Variants in TNNI3K observed in about 807,000 individuals in gnomAD.
TNNI3K encodes the protein TNNI3 interacting kinase.
In TNNI3K, 140 loss-of-function variants were observed where a neutral mutation model predicts 114.5. The observed-to-expected ratio is 1.22, with a 90% confidence interval of 1.07 to 1.41. The LOEUF (loss-of-function observed/expected upper bound fraction) is 1.41. TNNI3K is among the 40% of genes most tolerant of loss of function. The pLI is 0.00. For missense variants in TNNI3K, 1,125 were observed against 1,007.6 expected (o/e 1.12, Z -1.58); for synonymous variants, 347 against 347.5 (o/e 1.00, Z 0.02).
intron 2 of TNNI3K, among the ~76,000 whole-genome samples, chr1:74,242,900 T>A (rs1654332863): frequency 6.6e-6 from 1 of 152,108 alleles, no homozygotes. Flanking sequence ...CTTCTCCATC[T>A]GTAGCTCGCT....
At chr1:74,249,594 G>T in intron 3 of TNNI3K, 50 bp downstream of exon 3, 1 of 1,565,520 alleles carries the variant, frequency 6.4e-7, no homozygotes, top group Non-Finnish European at 8.7e-7. Context: ...TGTGTATATC[G>T]TCAGTGACTT....
intron 23 of TNNI3K, among the ~76,000 whole-genome samples, chr1:74,525,513 G>A (rs1397852728): frequency 6.6e-6 from 1 of 152,102 alleles, no homozygotes; most frequent in African/African-American, 2.4e-5. Context: ...GAGAGATGAG[G>A]CTGAAGAAAT....
intron 11 of TNNI3K, among the ~76,000 whole-genome samples, chr1:74,359,410 T>C: frequency 6.6e-6 from 1 of 152,072 alleles, no homozygotes; most frequent in Middle Eastern, 3.4e-3. Flanking sequence ...GTTAGAAATT[T>C]TAATATATTA....
chr1:74,528,661 TG>T (rs1185376244), intron 23 of TNNI3K, among the ~76,000 whole-genome samples: 3 of 152,210 alleles, frequency 2.0e-5, no homozygotes, highest in African/African-American at 7.2e-5. Context: ...GGTTTGGAAC[TG>T]GAGATGTTGC....
intron 13 of TNNI3K, among the ~76,000 whole-genome samples, chr1:74,368,764 G>C (rs1662419119): frequency 6.6e-6 from 1 of 151,836 alleles, no homozygotes; most frequent in African/African-American, 2.4e-5. Context: ...CTGGTAACCA[G>C]ATCAGGAATA....
chr1:74,377,518 A>G (rs2100540236), intron 17 of TNNI3K, among the ~76,000 whole-genome samples: 1 of 152,174 alleles, frequency 6.6e-6, no homozygotes, highest in East Asian at 1.9e-4. Context: ...AGACAATTAT[A>G]TTGCACATGG....
At position 74,407,391 on chromosome 1, in the gene TNNI3K, A is replaced by G. The variant is rs557166933; in HGVS notation, c.1773-28689A>G. ...CAAGGAAATGTGATTCTGATGCCTAAGTGTAAAGGAAATAGTATAGAAGTT... is the reference window on the plus strand; with the variant it reads ...CAAGGAAATGTGATTCTGATGCCTAGGTGTAAAGGAAATAGTATAGAAGTT... On this transcript the variant is annotated intron_variant, in intron 17 of 24. Coordinates refer to ENST00000326637, the MANE Select transcript of TNNI3K (RefSeq NM_015978.3). Among the ~76,000 whole-genome samples the G allele has an allele frequency of 2.0e-5, 3 of 152,308 alleles. No homozygotes were observed. In the East Asian group the frequency reaches 5.8e-4, roughly 29 times the overall value.
intron 23 of TNNI3K, among the ~76,000 whole-genome samples, chr1:74,511,920 C>T (rs1670247656): frequency 6.6e-6 from 1 of 152,130 alleles, no homozygotes; most frequent in Non-Finnish European, 1.5e-5. Flanking sequence ...GTGGGTAGAG[C>T]AGAAGCTATA....
At chr1:74,508,860 A>G (rs990822077) in intron 23 of TNNI3K, among the ~76,000 whole-genome samples, 3 of 152,220 alleles carry the variant, frequency 2.0e-5, no homozygotes, top group Admixed American at 1.3e-4. Context: ...CTCAGTAACT[A>G]AAATAGGGAC....
intron 17 of TNNI3K, chr1:74,375,755 C>T (rs1339710208): frequency 2.8e-6 from 1 of 360,216 alleles, no homozygotes; most frequent in Non-Finnish European, 5.7e-6. Flanking sequence ...AAACCCCCAT[C>T]CTCAAGTTTT....
intron 21 of TNNI3K, 72 bp from the exon 22 acceptor site, chr1:74,489,117 C>T: frequency 7.7e-7 from 1 of 1,295,176 alleles, no homozygotes; most frequent in Non-Finnish European, 1.1e-6. Flanking sequence ...TGCTAATACC[C>T]AATTTTAACA....
intron 17 of TNNI3K, among the ~76,000 whole-genome samples, chr1:74,390,163 T>C (rs1381838053): frequency 6.6e-6 from 1 of 152,206 alleles, no homozygotes. Context: ...CTGGATTCTT[T>C]AATTCAGTGT....
intron 21 of TNNI3K, among the ~76,000 whole-genome samples, chr1:74,464,106 A>G (rs1452499921): frequency 6.6e-6 from 1 of 152,222 alleles, no homozygotes; most frequent in Admixed American, 6.5e-5. Flanking sequence ...ATTTTTAAAT[A>G]CGGTCATAGG....
intron 17 of TNNI3K, among the ~76,000 whole-genome samples, chr1:74,421,815 T>G (rs1015615363): frequency 3.3e-5 from 5 of 152,030 alleles, no homozygotes; most frequent in Admixed American, 1.3e-4. Flanking sequence ...CTCAGCACTC[T>G]TAACATGGAA....
At chr1:74,265,528 T>C (rs554735201) in intron 4 of TNNI3K, among the ~76,000 whole-genome samples, 121 of 152,022 alleles carry the variant, frequency 8.0e-4, no homozygotes, top group Non-Finnish European at 1.1e-3. Context: ...TGCCACACTC[T>C]TCATAAAGGG....
intron 21 of TNNI3K, chr1:74,470,314 A>G (rs1404422692): frequency 2.5e-6 from 1 of 400,584 alleles, no homozygotes; most frequent in African/African-American, 2.0e-5. Flanking sequence ...TTTTAAGGTC[A>G]TTTGTGAGAT....
intron 4 of TNNI3K, among the ~76,000 whole-genome samples, chr1:74,270,574 A>G (rs768186622): frequency 4.0e-5 from 6 of 151,740 alleles, no homozygotes; most frequent in Non-Finnish European, 7.4e-5. Flanking sequence ...CATTTTTTAG[A>G]ATTTCTTGTA....
At chr1:74,314,617 C>A (rs560491265) in intron 5 of TNNI3K, among the ~76,000 whole-genome samples, 1 of 152,190 alleles carries the variant, frequency 6.6e-6, no homozygotes, top group South Asian at 2.1e-4. Context: ...GTACAGCATC[C>A]TTTGCAACTG....
chr1:74,509,368 C>T (rs1196112277), intron 23 of TNNI3K, among the ~76,000 whole-genome samples: 3 of 152,168 alleles, frequency 2.0e-5, no homozygotes, highest in Admixed American at 6.5e-5. Flanking sequence ...GAAAATAAAG[C>T]GATAGTCAAT....
Sources: allele counts gnomAD v4.1 joint callset (sites outside exome capture counted in the v4.1 genomes callset), GRCh38; gene constraint gnomAD v4.1.1; transcripts MANE v1.5; gene names NCBI Gene and HGNC (gene_info 2026-07-23, HGNC 2026-07-21).